The following CEP170B variants were observed in gnomAD, a reference collection of about 807,000 sequenced individuals.
CEP170B encodes the protein centrosomal protein 170B, also known as centrosomal protein of 170 kDa protein B.
CEP170B carries 55 observed loss-of-function variants against 120.6 expected under a neutral mutation model. That is an observed-to-expected ratio of 0.46 (90% confidence interval 0.37 to 0.57). The LOEUF (loss-of-function observed/expected upper bound fraction) is 0.57. CEP170B is among the 20% of genes least tolerant of loss of function. CEP170B has a pLI of 0.00. For missense variants in CEP170B, 2,212 were observed against 2,253.3 expected, an observed-to-expected ratio of 0.98 and a Z score of 0.37; for synonymous variants, 1,033 against 954.5, an observed-to-expected ratio of 1.08 and a Z score of -1.52.
chr14:104,867,973 A>G lies in CEP170B; in HGVS notation c.-27-451A>G, dbSNP rs181358598. 6.6e-6 allele frequency among the ~76,000 whole-genome samples: 1 copy of G among 151,452 alleles called. No homozygotes were observed. The highest frequency in any genetic ancestry group is 2.0e-4 in the East Asian group (1 of 5,100). Reference sequence around the variant, plus strand: ...GGGAGTGGGTCCTCTTGTTCAGTGTATGTCTTGGGGTGGGTCTGGTGCTGT... The same window carrying G: ...GGGAGTGGGTCCTCTTGTTCAGTGTGTGTCTTGGGGTGGGTCTGGTGCTGT... On this transcript the variant is annotated intron_variant, in intron 1 of 18. Coordinates refer to ENST00000414716, the MANE Select transcript of CEP170B (RefSeq NM_001112726.3). This position sits in a 1 kb window ranked among gnomAD's most constrained non-coding sequence, Gnocchi z 5.4.
chr14:104,876,351 T>G lies in CEP170B; in HGVS notation c.195+6T>G, dbSNP rs964722834. 156 of 1,550,520 alleles carry G rather than the reference T, an allele frequency of 1.0e-4. No individual in the cohort carries two copies. Among genetic ancestry groups the G allele is most frequent in the Non-Finnish European group, 1.3e-4 (152 of 1,146,688 alleles). On this transcript the variant is annotated splice_donor_region_variant and intron_variant, in intron 3 of 18. Coordinates refer to ENST00000414716, the MANE Select transcript of CEP170B (RefSeq NM_001112726.3). ...ACCTGGGCAGCCTCAATGGGGTAAG[T>G]GTGAGAGGCCCTGGCCTGGCCTTTT... is the stretch of plus-strand genomic sequence containing the variant.
chr14:104,892,943 T>C (rs1395906414), intron 13 of CEP170B, 33 bp from the exon 14 acceptor site: 2 of 1,550,824 alleles, frequency 1.3e-6, no homozygotes, highest in East Asian at 2.4e-5. Flanking sequence ...ACTTCCTCTG[T>C]GCAGAACCTG....
At chr14:104,882,946 C>T (rs556690692) in intron 7 of CEP170B, 89 bp from the exon 8 acceptor site, 356 of 1,454,972 alleles carry the variant, frequency 2.4e-4, no homozygotes, top group Non-Finnish European at 3.1e-4. Context: ...CTGTCTCCCC[C>T]TCTTGGGTGG....
In CEP170B at chr14:104,891,154, G is replaced by A. The variant is rs899921179; in HGVS notation, c.3878+1396G>A. Among the ~76,000 whole-genome samples the A allele has an allele frequency of 6.6e-6, 1 of 152,064 alleles. No homozygotes were observed. The highest frequency in any genetic ancestry group is 2.4e-5 in the African/African-American group (1 of 41,376). ...GGAGGTGAGACCGCCAGTACAAGGA[G>A]GGCCTCCTCAAAGGTTTTCATTAGA... On this transcript the variant is annotated intron_variant, in intron 13 of 18. Coordinates refer to ENST00000414716, the MANE Select transcript of CEP170B (RefSeq NM_001112726.3). The surrounding 1 kb of genome is among the most constrained non-coding windows in gnomAD (Gnocchi z 4.3).
At chr14:104,880,059 C>G (rs1462955320) in intron 5 of CEP170B, among the ~76,000 whole-genome samples, 1 of 152,172 alleles carries the variant, frequency 6.6e-6, no homozygotes, top group Non-Finnish European at 1.5e-5. Flanking sequence ...CCCAAGCAGG[C>G]CCCTGCTTTC....
intron 5 of CEP170B, 66 bp downstream of exon 5, chr14:104,878,567 C>G: frequency 1.3e-6 from 2 of 1,527,528 alleles, no homozygotes; most frequent in Non-Finnish European, 1.8e-6. Flanking sequence ...CCCCACCATG[C>G]TCCCGCTGCC....
chr14:104,885,247 C>T, intron 9 of CEP170B, 122 bp from the exon 10 acceptor site: 1 of 1,142,792 alleles, frequency 8.8e-7, no homozygotes, highest in Non-Finnish European at 1.2e-6. Context: ...GTCCCGGCCA[C>T]CAGCCACTCT....
chr14:104,878,104 T>G (rs1895958363), intron 4 of CEP170B, 141 bp downstream of exon 4: 1 of 710,054 alleles, frequency 1.4e-6, no homozygotes, highest in Non-Finnish European at 2.4e-6. Flanking sequence ...AGGGCTGGGC[T>G]CCACCTGCTG....
chr14:104,886,119 C>A lies in CEP170B; in HGVS notation c.2024C>A (p.Pro675Gln). Residue 675 changes from proline to glutamine, a missense_variant, in exon 11 of 19, where the codon CCG (proline) becomes CAG (glutamine). Coordinates refer to ENST00000414716, the MANE Select transcript of CEP170B (RefSeq NM_001112726.3). ...AGCCTGGCTGACAGCTACTCAGACC[C>A]GGGCCTCACAGGTAAGTGGCTCCAG... ...WASLADSYSD[P>Q]GLTEDGLGRR... 6.5e-7 allele frequency: 1 copy of A among 1,541,484 alleles called. No homozygotes were observed. The highest frequency in any genetic ancestry group is 8.7e-7 in the Non-Finnish European group (1 of 1,144,634).
intron 12 of CEP170B, among the ~76,000 whole-genome samples, chr14:104,889,095 G>A (rs1896661643): frequency 6.6e-6 from 1 of 152,230 alleles, no homozygotes; most frequent in African/African-American, 2.4e-5. Context: ...GGGAGGGACT[G>A]CAGTGGCCTT....
chr14:104,866,328 G>A (rs1895204403), intron 1 of CEP170B, among the ~76,000 whole-genome samples: 1 of 152,230 alleles, frequency 6.6e-6, no homozygotes, highest in Non-Finnish European at 1.5e-5. Flanking sequence ...GGTGATGGCA[G>A]AGGGTGAGGC....
chr14:104,886,950 A>C lies in CEP170B; in HGVS notation c.2711A>C (p.Asp904Ala). ...GCCGCTACCCGGGCCGCACGCATGG[A>C]CTTCCACTCCCAGGACACCCACCTG... The part of the protein sequence containing the change: ...DLAATRAARM[D>A]FHSQDTHLIL... Residue 904 changes from aspartate to alanine, a missense_variant, in exon 12 of 19, where the codon GAC becomes GCC. Physicochemically the swap from Asp to Ala is moderately radical, Grantham distance 126. Coordinates refer to ENST00000414716, the MANE Select transcript of CEP170B (RefSeq NM_001112726.3). 6.2e-7 allele frequency: 1 copy of C among 1,608,800 alleles called. No individual in the cohort carries two copies. Among genetic ancestry groups the C allele is most frequent in the Middle Eastern group, 1.7e-4 (1 of 6,060 alleles).
intron 12 of CEP170B, among the ~76,000 whole-genome samples, chr14:104,888,300 G>C (rs1896628107): frequency 6.6e-6 from 1 of 152,202 alleles, no homozygotes; most frequent in Non-Finnish European, 1.5e-5. Flanking sequence ...TGTACTCCTG[G>C]CTCAGGCCCC....
At position 104,886,944 on chromosome 14, in the gene CEP170B, G is replaced by A. The variant is rs201617366; in HGVS notation, c.2705G>A (p.Arg902His). The change falls in exon 12 of 19, where the codon CGC becomes CAC. Residue 902 changes from arginine to histidine, a missense_variant. Transcript: ENST00000414716. Reference protein sequence around the residue: ...LQDLAATRAARMDFHSQDTHL... With the variant: ...LQDLAATRAAHMDFHSQDTHL... Reference sequence around the variant, plus strand: ...GACCTGGCCGCTACCCGGGCCGCACGCATGGACTTCCACTCCCAGGACACC... The same window carrying A: ...GACCTGGCCGCTACCCGGGCCGCACACATGGACTTCCACTCCCAGGACACC... 86 of 1,608,730 alleles carry A rather than the reference G, an allele frequency of 5.3e-5. 1 individual carries two copies. Among genetic ancestry groups the A allele is most frequent in the Admixed American group, 3.5e-4 (21 of 60,028 alleles).
chr14:104,886,332 G>T lies in CEP170B; in HGVS notation c.2093G>T (p.Arg698Leu). The change falls in exon 12 of 19, where the codon CGG becomes CTG. Residue 698 changes from arginine (R) to leucine (L), a missense_variant. Arg to Leu is a moderately radical substitution (Grantham distance 102). This residue lies in a region of CEP170B where 2,166 missense variants were observed against 2,166.7 expected (regional missense o/e 1.00). Transcript: ENST00000414716. Reference sequence around the variant, plus strand: ...GAGGGGTCCCTGCCTGTGCGCATGCGGCGACGGCTCCCTCAGCTGCCCAGT... The same window carrying T: ...GAGGGGTCCCTGCCTGTGCGCATGCTGCGACGGCTCCCTCAGCTGCCCAGT... ...EPEGSLPVRM[R>L]RRLPQLPSER... 1.3e-6 allele frequency: 2 copies of T among 1,559,474 alleles called. No individual in the cohort carries two copies. Among genetic ancestry groups the T allele is most frequent in the Non-Finnish European group, 1.7e-6 (2 of 1,156,252 alleles).
At position 104,868,359 on chromosome 14, in the gene CEP170B, G is replaced by T; in HGVS notation, c.-27-65G>T. ...AGGGTCAGGATCTGGGCTGGGCCTTGGATGTGTCCAGGGGGCTAAGAACCA... is the reference window on the plus strand; with the variant it reads ...AGGGTCAGGATCTGGGCTGGGCCTTTGATGTGTCCAGGGGGCTAAGAACCA... On this transcript the variant is annotated intron_variant, in intron 1 of 18. Coordinates refer to ENST00000414716, the MANE Select transcript of CEP170B (RefSeq NM_001112726.3). This position sits in a 1 kb window ranked among gnomAD's most constrained non-coding sequence, Gnocchi z 5.9. 2 of 1,152,576 alleles carry T rather than the reference G, an allele frequency of 1.7e-6. No homozygotes were observed. The highest frequency in any genetic ancestry group is 2.5e-6 in the Non-Finnish European group (2 of 809,088). The allele number at this position is 1,152,576 out of a possible 1,614,324, so 71.4% of individuals were successfully genotyped here.
Position 104,884,137 on chromosome 14 carries a change from A to C in CEP170B, c.1358A>C (p.Gln453Pro), listed in dbSNP as rs1418400774. Residue 453 changes from glutamine to proline, a missense_variant, in exon 9 of 19, where the codon CAG becomes CCG. This residue lies in a region of CEP170B where 2,166 missense variants were observed against 2,166.7 expected (regional missense o/e 1.00). Transcript: ENST00000414716. ...CGCCCCAGTGTCCCAGCCCCAGTCC[A>C]GGCAGGGGGCCGCAGCTCGGGGCCA... Reference protein sequence around the residue: ...RDRPSVPAPVQAGGRSSGPQR... With the variant: ...RDRPSVPAPVPAGGRSSGPQR... 1.3e-6 allele frequency: 2 copies of C among 1,561,866 alleles called. No individual in the cohort carries two copies. Among genetic ancestry groups the C allele is most frequent in the Admixed American group, 3.8e-5 (2 of 52,508 alleles).
At chr14:104,866,267 T>C (rs535545787) in intron 1 of CEP170B, among the ~76,000 whole-genome samples, 1 of 152,288 alleles carries the variant, frequency 6.6e-6, no homozygotes, top group East Asian at 1.9e-4. Flanking sequence ...GGGGCTCGGC[T>C]TCATTTCGCC....
chr14:104,874,375 C>T (rs1895721994), intron 2 of CEP170B, among the ~76,000 whole-genome samples: 1 of 152,162 alleles, frequency 6.6e-6, no homozygotes, highest in South Asian at 2.1e-4. Flanking sequence ...TGGTGGCTAT[C>T]AAGGTCAGAC....
Sources: allele counts gnomAD v4.1 joint callset (sites outside exome capture counted in the v4.1 genomes callset), GRCh38; gene constraint gnomAD v4.1.1; regional missense constraint gnomAD v4.1.1; non-coding constraint Gnocchi (gnomAD v3.1); transcripts MANE v1.5; gene names NCBI Gene and HGNC (gene_info 2026-07-23, HGNC 2026-07-21).